PLXDC1: variants seen among roughly 807,000 people sequenced by gnomAD.
The protein encoded by PLXDC1 is plexin domain containing 1.
In PLXDC1, 39 loss-of-function variants were observed where a neutral mutation model predicts 61.3. The ratio of observed to expected loss-of-function variants is 0.64; its 90% confidence interval spans 0.49 to 0.83. The LOEUF is 0.83. PLXDC1 is among the 40% of genes least tolerant of loss of function. The pLI, the probability that PLXDC1 is intolerant of heterozygous loss-of-function variation, is 0.00. For missense variants in PLXDC1, 596 were observed against 666.5 expected (o/e 0.89, Z 1.17); for synonymous variants, 212 against 254.5 (o/e 0.83, Z 1.59).
Position 39,148,680 on chromosome 17 carries a change from C to T in PLXDC1, c.76+2682G>A, listed in dbSNP as rs932515340. Among the ~76,000 whole-genome samples, 8 of 152,220 alleles carry T rather than the reference C, an allele frequency of 5.3e-5. No homozygotes were observed. The East Asian group carries it at 7.7e-4, about 15-fold the overall frequency. ...AAACTCCTGACCTCAGGTGATCCGC[C>T]GGCCTCGGCCTCCCAGAGTGCTGGG... On this transcript the variant is annotated intron_variant, in intron 1 of 13. Coordinates refer to ENST00000315392, the MANE Select transcript of PLXDC1 (RefSeq NM_020405.5).
chr17:39,138,555 G>A (rs1031716127), intron 2 of PLXDC1, among the ~76,000 whole-genome samples: 1 of 152,034 alleles, frequency 6.6e-6, no homozygotes, highest in African/African-American at 2.4e-5. Flanking sequence ...TAAAACCAGT[G>A]CACAGAGAGG....
intron 1 of PLXDC1, among the ~76,000 whole-genome samples, chr17:39,140,619 G>A (rs1323670941): frequency 6.6e-6 from 1 of 152,224 alleles, no homozygotes; most frequent in Non-Finnish European, 1.5e-5. Flanking sequence ...TTTCTTAAAA[G>A]AGCCTCAGGG....
intron 8 of PLXDC1, among the ~76,000 whole-genome samples, chr17:39,086,952 A>G (rs374688875): frequency 1.3e-5 from 2 of 151,678 alleles, no homozygotes; most frequent in South Asian, 4.2e-4. Context: ...TGGGGGCACC[A>G]CAAGATGGGA....
chr17:39,100,857 G>C (rs542662020), intron 7 of PLXDC1, among the ~76,000 whole-genome samples: 140 of 152,360 alleles, frequency 9.2e-4, no homozygotes, highest in African/African-American at 3.3e-3. Context: ...GGGAGCGCAG[G>C]GGGCTAAGGG....
At chr17:39,146,787 T>C (rs1054201464) in intron 1 of PLXDC1, among the ~76,000 whole-genome samples, 2 of 151,314 alleles carry the variant, frequency 1.3e-5, no homozygotes, top group Admixed American at 6.6e-5. Flanking sequence ...GCCCAGGAAG[T>C]TGAGGCAGCA....
rs1460121732 is a variant in PLXDC1 at position 39,107,417 on chromosome 17, G to A, written c.701C>T (p.Ala234Val). 6.2e-7 allele frequency: 1 copy of A among 1,606,544 alleles called. No individual in the cohort carries two copies. Among genetic ancestry groups the A allele is most frequent in the South Asian group, 1.1e-5 (1 of 90,668 alleles). ...GCTGGGCCCACTCACCTCTTTATAG[G>A]CAAAGACAATGCGGCCGTCATGGTG... is the stretch of plus-strand genomic sequence containing the variant. The part of the protein sequence containing the change: ...ALHHDGRIVF[A>V]YKEIPMSVPE... Residue 234 changes from alanine to valine, a missense_variant, in exon 6 of 14, where the codon GCC becomes GTC. Transcript: ENST00000315392.
At chr17:39,075,346 A>G (rs1423095472) in intron 11 of PLXDC1, among the ~76,000 whole-genome samples, 1 of 152,208 alleles carries the variant, frequency 6.6e-6, no homozygotes, top group African/African-American at 2.4e-5. Context: ...GCAACTTCAG[A>G]GTAATGGGAG....
chr17:39,148,156 G>A (rs1201113460), intron 1 of PLXDC1, among the ~76,000 whole-genome samples: 4 of 152,060 alleles, frequency 2.6e-5, no homozygotes, highest in Non-Finnish European at 5.9e-5. Context: ...CCATAAGTTC[G>A]CATTTTAGTC....
intron 7 of PLXDC1, among the ~76,000 whole-genome samples, chr17:39,094,754 A>G (rs543761763): frequency 6.6e-6 from 1 of 152,342 alleles, no homozygotes; most frequent in African/African-American, 2.4e-5. Context: ...TTATAACGTC[A>G]GCCCACAGCC....
chr17:39,086,878 A>AAAAAAG lies in PLXDC1; in HGVS notation c.907+728_907+729insCTTTTT, dbSNP rs1298383783. The stretch of plus-strand genomic sequence containing the variant: ...CTGTCTCAAAAAAAAAAAAAAAAAA[A>AAAAAAG]AAGAAGAAGAAAAAGAAGAAATGCC... On this transcript the variant is annotated intron_variant, in intron 8 of 13. Transcript: ENST00000315392. Among the ~76,000 whole-genome samples the AAAAAAG allele has an allele frequency of 5.3e-5, 8 of 150,854 alleles. No individual in the cohort carries two copies. In the East Asian group the frequency reaches 1.2e-3, roughly 23 times the overall value.
chr17:39,116,966 C>T (rs16493), intron 2 of PLXDC1, among the ~76,000 whole-genome samples: 48,421 of 152,106 alleles, frequency 0.32, 7,929 homozygotes, highest in African/African-American at 0.37. Flanking sequence ...TTGGTTAAAC[C>T]AGTCTACTTC....
rs550182994 is a variant in PLXDC1 at position 39,138,427 on chromosome 17, C to T, written c.255+1227G>A. On this transcript the variant is annotated intron_variant, in intron 2 of 13. Transcript: ENST00000315392. ...CACTATGTACATGATCGTCACAATC[C>T]ACAACCGAGCACACGGATTGAACAG... Among the ~76,000 whole-genome samples, 3 of 152,306 alleles carry T rather than the reference C, an allele frequency of 2.0e-5. No homozygotes were observed. In the South Asian group the frequency reaches 6.2e-4, roughly 32 times the overall value.
intron 1 of PLXDC1, among the ~76,000 whole-genome samples, chr17:39,140,812 G>A (rs1291034856): frequency 6.6e-6 from 1 of 152,176 alleles, no homozygotes; most frequent in Non-Finnish European, 1.5e-5. Flanking sequence ...CGGTACTATT[G>A]ACATTTGGAC....
At chr17:39,083,573 C>T (rs750352502) in intron 8 of PLXDC1, 33 bp from the exon 9 acceptor site, 11 of 1,528,074 alleles carry the variant, frequency 7.2e-6, no homozygotes, top group Admixed American at 1.8e-5. Context: ...CGCTCAGCAC[C>T]GAGCCTCTCC....
intron 7 of PLXDC1, among the ~76,000 whole-genome samples, chr17:39,089,820 C>T (rs1307965755): frequency 6.6e-6 from 1 of 152,104 alleles, no homozygotes; most frequent in Non-Finnish European, 1.5e-5. Context: ...CTTATTGAGA[C>T]TGAGTCTCGC....
At chr17:39,068,623 GC>G (rs1443939806) in intron 13 of PLXDC1, among the ~76,000 whole-genome samples, 1 of 152,232 alleles carries the variant, frequency 6.6e-6, no homozygotes, top group Non-Finnish European at 1.5e-5. Context: ...GCTGCAGTAA[GC>G]CAAGATTGTG....
At chr17:39,098,008 A>C (rs1910280290) in intron 7 of PLXDC1, among the ~76,000 whole-genome samples, 1 of 151,632 alleles carries the variant, frequency 6.6e-6, no homozygotes, top group Non-Finnish European at 1.5e-5. Flanking sequence ...GTTCAGGACC[A>C]GCCTGGCCAA....
intron 1 of PLXDC1, among the ~76,000 whole-genome samples, chr17:39,148,307 G>A (rs752531746): frequency 7.9e-5 from 12 of 152,084 alleles, no homozygotes; most frequent in Admixed American, 2.0e-4. Flanking sequence ...GGGCTCAAAC[G>A]ATCCTCCTGC....
At position 39,151,290 on chromosome 17, in the gene PLXDC1, G is replaced by A; in HGVS notation, c.76+72C>T. The A allele has an allele frequency of 5.3e-6, 6 of 1,132,992 alleles. No individual in the cohort carries two copies. Among genetic ancestry groups the A allele is most frequent in the Non-Finnish European group, 6.7e-6 (6 of 891,312 alleles). 70.2% of individuals were successfully genotyped at this position (1,132,992 alleles called of 1,614,324 possible). On this transcript the variant is annotated intron_variant, in intron 1 of 13. Transcript: ENST00000315392. This position sits in a 1 kb window ranked among gnomAD's most constrained non-coding sequence, Gnocchi z 5.2. ...GGACATCGCCAGGCCGTCCACACCT[G>A]CCCATGCCCACACCTGACTGCCCGT... is the stretch of plus-strand genomic sequence containing the variant.
Sources: gnomAD v4.1 joint callset for allele counts (sites outside exome capture counted in the v4.1 genomes callset) on GRCh38, gnomAD v4.1.1 for gene constraint, Gnocchi (gnomAD v3.1) non-coding constraint, MANE v1.5 for transcripts, NCBI Gene and HGNC (gene_info 2026-07-23, HGNC 2026-07-21) for gene names.